FAM53A: variants seen among roughly 807,000 people sequenced by gnomAD.
FAM53A encodes the protein family with sequence similarity 53 member A.
In FAM53A, 28 loss-of-function variants were observed where a neutral mutation model predicts 26.6. The observed-to-expected ratio is 1.05, with a 90% CI of 0.78 to 1.45. The LOEUF is 1.45. Ranked by LOEUF, FAM53A falls within the 40% of genes most tolerant of loss-of-function variation. The pLI is 0.00. For missense variants in FAM53A, 650 were observed against 575.8 expected (o/e 1.13, Z -1.32); for synonymous variants, 290 against 253.1 (o/e 1.15, Z -1.38).
the FAM53A span, among the ~76,000 whole-genome samples, chr4:1,604,789 C>T: frequency 6.6e-6 from 1 of 152,132 alleles, no homozygotes; most frequent in Admixed American, 6.5e-5. Flanking sequence ...CCAGAAAAAG[C>T]ATCCCCAGCC....
chr4:1,644,319 G>C lies in FAM53A; in HGVS notation c.883-2712C>G, dbSNP rs1036802674. On this transcript the variant is annotated intron_variant, in intron 4 of 4. Coordinates refer to ENST00000308132, the MANE Select transcript of FAM53A (RefSeq NM_001174070.3). ...CGCCGAGGCCTCGGACGCGGGACTC[G>C]CACTCGCGGGCACAGCTGTGCGGCT... is the stretch of plus-strand genomic sequence containing the variant. 23 of 1,535,772 alleles carry C rather than the reference G, an allele frequency of 1.5e-5. No homozygotes were observed. The African/African-American group carries it at 2.7e-4, about 18-fold the overall frequency.
At chr4:1,621,408 G>A (rs1032000879) in intron 1 of FAM53A, among the ~76,000 whole-genome samples, 5 of 152,054 alleles carry the variant, frequency 3.3e-5, no homozygotes, top group South Asian at 2.1e-4. Flanking sequence ...CCGGTCAGTC[G>A]GCTACTTTTA....
chr4:1,655,190 G>T lies in FAM53A; in HGVS notation c.670C>A (p.Leu224Ile). The change falls in exon 4 of 5, where the codon CTC becomes ATC. Residue 224 changes from leucine to isoleucine, a missense_variant. Physicochemically the swap from Leu to Ile is conservative, Grantham distance 5 (BLOSUM62 2). Coordinates refer to ENST00000308132, the MANE Select transcript of FAM53A (RefSeq NM_001174070.3). Reference sequence around the variant, plus strand: ...GCACCCGCGAGTCGCTCCTGTGAGAGGGACGGGCGGCGCCTCGTGGAGGGC... The same window carrying T: ...GCACCCGCGAGTCGCTCCTGTGAGATGGACGGGCGGCGCCTCGTGGAGGGC... ...CLPSTRRRPS[L>I]SQERLAGAGT... 6.4e-7 allele frequency: 1 copy of T among 1,564,362 alleles called. No homozygotes were observed.
chr4:1,658,821 C>T (rs775588658), intron 2 of FAM53A, among the ~76,000 whole-genome samples: 5 of 152,236 alleles, frequency 3.3e-5, no homozygotes, highest in Non-Finnish European at 2.9e-5. Flanking sequence ...GGCAAGCTCC[C>T]TAACCTCCCA....
chr4:1,649,473 C>T lies in FAM53A; in HGVS notation c.882+5505G>A, dbSNP rs74558436. On this transcript the variant is annotated intron_variant, in intron 4 of 4. Transcript: ENST00000308132. ...CTCCCTTCAAAAAGTGGAGCCCGAT[C>T]CTCCTCCCACTGAGTAAGGGCTAGA... Among the ~76,000 whole-genome samples, 328 of 152,348 alleles carry T rather than the reference C, an allele frequency of 2.2e-3. 3 individuals carry two copies. Among genetic ancestry groups the T allele is most frequent in the African/African-American group, 7.2e-3 (301 of 41,580 alleles).
At chr4:1,588,591 G>T in the FAM53A span, among the ~76,000 whole-genome samples, 1 of 152,172 alleles carries the variant, frequency 6.6e-6, no homozygotes, top group Non-Finnish European at 1.5e-5. Context: ...ATGCCAGTAA[G>T]GAGATGAGGT....
intron 2 of FAM53A, among the ~76,000 whole-genome samples, chr4:1,667,643 G>A (rs576675635): frequency 4.6e-5 from 7 of 152,262 alleles, no homozygotes; most frequent in African/African-American, 1.7e-4. Flanking sequence ...CGGTGAAGAT[G>A]GGTCACACGT....
the FAM53A span, among the ~76,000 whole-genome samples, chr4:1,590,179 T>C: frequency 2.6e-5 from 4 of 152,222 alleles, no homozygotes; most frequent in Non-Finnish European, 4.4e-5. Context: ...ATCTGGACTT[T>C]CCTTTTTTTT....
At chr4:1,615,810 T>C (rs147313955), downstream of FAM53A, among the ~76,000 whole-genome samples, 3,079 of 152,338 alleles carry the variant, frequency 0.02, 55 homozygotes, top group Non-Finnish European at 0.034. Flanking sequence ...GAACAAGGGA[T>C]TGGCTGCATC....
intron 1 of FAM53A, among the ~76,000 whole-genome samples, chr4:1,671,826 C>T (rs554033042): frequency 6.6e-6 from 1 of 152,376 alleles, no homozygotes; most frequent in East Asian, 1.9e-4. Flanking sequence ...AGAAAGGCAA[C>T]AGCAGCCACA....
At chr4:1,603,096 G>A in the FAM53A span, among the ~76,000 whole-genome samples, 11 of 152,332 alleles carry the variant, frequency 7.2e-5, no homozygotes, top group Admixed American at 3.9e-4. Flanking sequence ...AGCCCAGTGC[G>A]GCGGCTCCTG....
intron 1 of FAM53A, among the ~76,000 whole-genome samples, chr4:1,621,726 G>C (rs1715044541): frequency 6.6e-6 from 1 of 152,246 alleles, no homozygotes; most frequent in South Asian, 2.1e-4. Context: ...CCAGCTCTGA[G>C]ACCCCAGCCT....
downstream of FAM53A, among the ~76,000 whole-genome samples, chr4:1,636,978 C>G (rs985025011): frequency 1.3e-5 from 2 of 152,148 alleles, no homozygotes; most frequent in Admixed American, 1.3e-4. Flanking sequence ...CCCCAGGGCA[C>G]TGGCTGAGCT....
intron 2 of FAM53A, among the ~76,000 whole-genome samples, chr4:1,657,979 T>C (rs532337562): frequency 4.6e-5 from 7 of 150,764 alleles, no homozygotes; most frequent in Admixed American, 2.0e-4. Context: ...ATTTTTTCTG[T>C]TTTTAAAAGA....
At chr4:1,603,156 A>G in the FAM53A span, among the ~76,000 whole-genome samples, 1 of 152,186 alleles carries the variant, frequency 6.6e-6, no homozygotes, top group African/African-American at 2.4e-5. Flanking sequence ...CCGAGTAGCA[A>G]GGAGCCTCTC....
chr4:1,607,650 AC>A, the FAM53A span, among the ~76,000 whole-genome samples: 1 of 151,764 alleles, frequency 6.6e-6, no homozygotes, highest in Non-Finnish European at 1.5e-5. Flanking sequence ...CCCTGGCTTC[AC>A]CCGCCCAGTC....
At chr4:1,599,237 AGCTCC>A in the FAM53A span, among the ~76,000 whole-genome samples, 2 of 43,714 alleles carry the variant, frequency 4.6e-5, no homozygotes, top group African/African-American at 1.1e-4. The surrounding 1 kb of genome is among the most constrained non-coding windows in gnomAD (Gnocchi z 6.1). Flanking sequence ...CAGGGCCGTC[AGCTCC>A]AACCCTGCCT....
At position 1,680,847 on chromosome 4, in the gene FAM53A, A is replaced by AGGGCACAGATTTTT. The variant is rs1215144565; in HGVS notation, c.-165+3372_-165+3385dup. On this transcript the variant is annotated intron_variant, in intron 1 of 4. Transcript: ENST00000308132. Reference sequence around the variant, plus strand: ...GGCCAGGGGTAGAGAGAGGTGAGGCAGGGCACAGATTTTTAAGGCAGTGAA... The same window carrying AGGGCACAGATTTTT: ...GGCCAGGGGTAGAGAGAGGTGAGGCAGGGCACAGATTTTTGGGCACAGATTTTTAAGGCAGTGAA... Among the ~76,000 whole-genome samples the AGGGCACAGATTTTT allele has an allele frequency of 5.9e-5, 9 of 152,200 alleles. No homozygotes were observed. The East Asian group carries it at 1.7e-3, about 29-fold the overall frequency.
chr4:1,668,174 C>T (rs1377086053), intron 2 of FAM53A, among the ~76,000 whole-genome samples: 1 of 151,460 alleles, frequency 6.6e-6, no homozygotes, highest in Non-Finnish European at 1.5e-5. Flanking sequence ...CGGAGTCTCG[C>T]TCTGTCCCAG....
Sources: allele counts gnomAD v4.1 joint callset (sites outside exome capture counted in the v4.1 genomes callset), GRCh38; gene constraint gnomAD v4.1.1; non-coding constraint Gnocchi (gnomAD v3.1); transcripts MANE v1.5; gene names NCBI Gene and HGNC (gene_info 2026-07-23, HGNC 2026-07-21).